The following SLC7A14 variants were observed in gnomAD, a reference collection of about 807,000 sequenced individuals.
SLC7A14 encodes solute carrier family 7 member 14.
SLC7A14 carries 37 observed loss-of-function variants against 60.2 expected under a neutral mutation model. The ratio of observed to expected loss-of-function variants is 0.61; its 90% CI spans 0.47 to 0.81. The LOEUF is 0.81. Ranked by LOEUF, SLC7A14 falls within the 30% of genes least tolerant of loss-of-function variation. The probability of loss-of-function intolerance (pLI) is 0.00; values close to 1 mark genes in which losing one functional copy is unlikely to be tolerated. For synonymous variants in SLC7A14, 399 were observed against 395.8 expected (o/e 1.01, Z -0.10); for missense variants, 886 against 982.7 (o/e 0.90, Z 1.32).
At position 170,526,742 on chromosome 3, in the gene SLC7A14, G is replaced by A. The variant is rs1189772220; in HGVS notation, c.195C>T (p.Ser65=). The change falls in exon 2 of 8, where the codon AGC becomes AGT. Residue 65 remains serine, a synonymous_variant. Transcript: ENST00000231706. ...CCACATACATGCCAGTGCCCACACAGCTGCCAACGCCAAGAGAGATGAGGT... is the reference window on the plus strand; with the variant it reads ...CCACATACATGCCAGTGCCCACACAACTGCCAACGCCAAGAGAGATGAGGT... ...TVDLISLGVG[S]CVGTGMYVVS... 1 of 1,614,138 alleles carries A rather than the reference G, an allele frequency of 6.2e-7. No homozygotes were observed. The highest frequency in any genetic ancestry group is 1.3e-5 in the African/African-American group (1 of 74,946).
rs1186222595 is a variant in SLC7A14, at chr3:170,481,066, C to T, written c.1216G>A (p.Asp406Asn). Residue 406 changes from aspartate to asparagine, a missense_variant, in exon 7 of 8, where the codon GAC (aspartate) becomes AAC (asparagine). Asp to Asn is a conservative substitution (Grantham distance 23). Transcript: ENST00000231706. Reference sequence around the variant, plus strand: ...CCGATAGACATCATCTCTATCAGGTCTCTCAAGCTGACCAACAGTGCGAGG... The same window carrying T: ...CCGATAGACATCATCTCTATCAGGTTTCTCAAGCTGACCAACAGTGCGAGG... ...ALLALLVSLR[D>N]LIEMMSIGTL... is the part of the protein sequence containing the mutation. 3 of 1,614,186 alleles carry T rather than the reference C, an allele frequency of 1.9e-6. No homozygotes were observed. Among genetic ancestry groups the T allele is most frequent in the South Asian group, 1.1e-5 (1 of 91,068 alleles).
rs985774018 is a variant in SLC7A14, at chr3:170,523,857, A to G, written c.304+2776T>C. 9.2e-5 allele frequency among the ~76,000 whole-genome samples: 14 copies of G among 152,218 alleles called. 1 individual carries two copies. Among genetic ancestry groups the G allele is most frequent in the Admixed American group, 7.9e-4 (12 of 15,274 alleles). On this transcript the variant is annotated intron_variant, in intron 2 of 7. Coordinates refer to ENST00000231706, the MANE Select transcript of SLC7A14 (RefSeq NM_020949.3). ...AAGACACTGGAGCAGCACTTCCTTT[A>G]GTTTAGTGACCAACAATCATAAGAG...
intron 2 of SLC7A14, among the ~76,000 whole-genome samples, chr3:170,512,703 G>T (rs1406339470): frequency 2.7e-5 from 3 of 110,182 alleles, no homozygotes; most frequent in Non-Finnish European, 5.0e-5. Context: ...TCGCTCTGTC[G>T]CCCAGGCTGG....
chr3:170,497,921 G>A (rs1350124111), intron 4 of SLC7A14, among the ~76,000 whole-genome samples: 1 of 152,160 alleles, frequency 6.6e-6, no homozygotes, highest in African/African-American at 2.4e-5. Flanking sequence ...GACCACACCA[G>A]GTAAACCTGC....
intron 4 of SLC7A14, chr3:170,496,706 C>A (rs1185877512): frequency 1.1e-6 from 1 of 877,506 alleles, no homozygotes; most frequent in Non-Finnish European, 1.9e-6. Flanking sequence ...GGTCTGAGTT[C>A]CGCCTATGGG....
At position 170,482,218 on chromosome 3, in the gene SLC7A14, T is replaced by C. The variant is rs185351025; in HGVS notation, c.1116-1052A>G. On this transcript the variant is annotated intron_variant, in intron 6 of 7. Transcript: ENST00000231706. ...CCCTCTCCTCCTGGTCCCTTATTTT[T>C]ATGGTTCACACAAGACTGTAAATGT... Among the ~76,000 whole-genome samples the C allele has an allele frequency of 3.4e-3, 521 of 152,354 alleles. 3 individuals carry two copies. Among genetic ancestry groups the C allele is most frequent in the South Asian group, 0.031 (148 of 4,824 alleles).
chr3:170,477,217 C>A (rs189165051), intron 7 of SLC7A14, among the ~76,000 whole-genome samples: 17 of 152,214 alleles, frequency 1.1e-4, no homozygotes, highest in African/African-American at 3.9e-4. Context: ...CTTTGAATAA[C>A]TTCCTGTTGA....
chr3:170,527,051 A>G lies in SLC7A14; in HGVS notation c.-115T>C. 2 of 1,138,004 alleles carry G rather than the reference A, an allele frequency of 1.8e-6. No individual in the cohort carries two copies. Among genetic ancestry groups the G allele is most frequent in the South Asian group, 1.6e-5 (1 of 61,918 alleles). 70.5% of individuals were successfully genotyped at this position (1,138,004 alleles called of 1,614,324 possible). On this transcript the variant is annotated 5_prime_UTR_variant, in exon 2 of 8. Transcript: ENST00000231706. The stretch of plus-strand genomic sequence containing the variant: ...GGGATCTCCCTTTTAGGAAAGGCCC[A>G]GAGGGACCCAGTGCAGCCTTCTCCT...
chr3:170,511,190 G>A (rs934557903), intron 2 of SLC7A14, among the ~76,000 whole-genome samples: 7 of 152,044 alleles, frequency 4.6e-5, no homozygotes, highest in African/African-American at 1.7e-4. Context: ...GATCACTCGG[G>A]AGTTCGAGAC....
At position 170,527,602 on chromosome 3, in the gene SLC7A14, C is replaced by A. The variant is rs369598601; in HGVS notation, c.-152-514G>T. On this transcript the variant is annotated intron_variant, in intron 1 of 7. Coordinates refer to ENST00000231706, the MANE Select transcript of SLC7A14 (RefSeq NM_020949.3). ...TTAACATAAAAATGTAAAATTAGAT[C>A]CATGAGTCTTAAGAGGGGCCATGCC... Among the ~76,000 whole-genome samples, 64 of 152,308 alleles carry A rather than the reference C, an allele frequency of 4.2e-4. 1 individual carries two copies. The East Asian group carries it at 5.4e-3, about 13-fold the overall frequency.
rs1161326736 is a variant in SLC7A14, at chr3:170,535,521, C to T, written c.-152-8433G>A. On this transcript the variant is annotated intron_variant, in intron 1 of 7. Coordinates refer to ENST00000231706, the MANE Select transcript of SLC7A14 (RefSeq NM_020949.3). This position sits in a 1 kb window ranked among gnomAD's most constrained non-coding sequence, Gnocchi z 4.3. ...AGGCACAAGGCAGCTTCAGGGAGTG[C>T]GAGTGTCCTTTGCTTGTCCTTCCAG... Among the ~76,000 whole-genome samples, 1 of 152,250 alleles carries T rather than the reference C, an allele frequency of 6.6e-6. No homozygotes were observed. Among genetic ancestry groups the T allele is most frequent in the Non-Finnish European group, 1.5e-5 (1 of 68,040 alleles).
At position 170,466,675 on chromosome 3, in the gene SLC7A14, C is replaced by T. The variant is rs1739728624; in HGVS notation, c.*380G>A. The T allele has an allele frequency of 5.8e-6, 1 of 173,690 alleles. No homozygotes were observed. The highest frequency in any genetic ancestry group is 5.7e-5 in the Admixed American group (1 of 17,582). The allele number at this position is 173,690 out of a possible 1,614,324, so 10.8% of individuals were successfully genotyped here. On this transcript the variant is annotated 3_prime_UTR_variant, in exon 8 of 8. Transcript: ENST00000231706. ...TCAGCCTGACATGCCAAGAACAGAG[C>T]TTTGTCCCCATGTCTCAGGTGACTG...
chr3:170,556,339 G>A (rs1404533634), intron 1 of SLC7A14, among the ~76,000 whole-genome samples: 1 of 152,184 alleles, frequency 6.6e-6, no homozygotes, highest in Non-Finnish European at 1.5e-5. Context: ...GCTGTCCAGA[G>A]GCAATATGGC....
intron 2 of SLC7A14, among the ~76,000 whole-genome samples, chr3:170,507,108 C>G (rs1333952420): frequency 1.3e-5 from 2 of 152,126 alleles, no homozygotes; most frequent in Non-Finnish European, 2.9e-5. Context: ...ATTACTCTAC[C>G]CAGATAGACA....
Position 170,486,277 on chromosome 3 carries a change from G to T in SLC7A14, c.851C>A (p.Ser284Tyr), listed in dbSNP as rs1182163906. ...TGEEAKNPNTSIPYAITASLV... is the reference protein window; with the variant it reads ...TGEEAKNPNTYIPYAITASLV... ...GGAGGCAGTGATAGCATAAGGGATGGACGTGTTGGGATTCTTGGCTTCCTC... is the reference window on the plus strand; with the variant it reads ...GGAGGCAGTGATAGCATAAGGGATGTACGTGTTGGGATTCTTGGCTTCCTC... The change falls in exon 5 of 8, where the codon TCC becomes TAC. Residue 284 changes from serine (S) to tyrosine (Y), a missense_variant. Coordinates refer to ENST00000231706, the MANE Select transcript of SLC7A14 (RefSeq NM_020949.3). The T allele has an allele frequency of 6.2e-7, 1 of 1,614,226 alleles. No individual in the cohort carries two copies. Among genetic ancestry groups the T allele is most frequent in the South Asian group, 1.1e-5 (1 of 91,080 alleles).
rs1711772377 is a variant in SLC7A14 at position 170,480,467 on chromosome 3, C to G, written c.1815G>C (p.Val605=). 1 of 1,613,970 alleles carries G rather than the reference C, an allele frequency of 6.2e-7. No individual in the cohort carries two copies. The change falls in exon 7 of 8, where the codon GTG becomes GTC. Residue 605 remains valine (V), a synonymous_variant. Transcript: ENST00000231706. ...WWAILLVVLM[V]LLISTLVFVI... ...CAAACACCAGGGTGCTGATCAGCAGCACCATCAGAACAACCAGAAGGATGG... is the reference window on the plus strand; with the variant it reads ...CAAACACCAGGGTGCTGATCAGCAGGACCATCAGAACAACCAGAAGGATGG...
chr3:170,474,618 A>G (rs964861074), intron 7 of SLC7A14, among the ~76,000 whole-genome samples: 1 of 152,106 alleles, frequency 6.6e-6, no homozygotes, highest in Non-Finnish European at 1.5e-5. Context: ...TCAAGAATTT[A>G]GTTATCAGGT....
At chr3:170,542,677 G>T (rs1416357902) in intron 1 of SLC7A14, among the ~76,000 whole-genome samples, 1 of 152,202 alleles carries the variant, frequency 6.6e-6, no homozygotes, top group Non-Finnish European at 1.5e-5. Flanking sequence ...AAAGCCGTGG[G>T]TTGTGTGTGC....
At chr3:170,530,184 T>A (rs1577540328) in intron 1 of SLC7A14, among the ~76,000 whole-genome samples, 1 of 150,920 alleles carries the variant, frequency 6.6e-6, no homozygotes, top group Non-Finnish European at 1.5e-5. Flanking sequence ...AAAATGGGGG[T>A]GATAAAGGGG....
Sources: gnomAD v4.1 joint callset for allele counts (sites outside exome capture counted in the v4.1 genomes callset) on GRCh38, gnomAD v4.1.1 for gene constraint, Gnocchi (gnomAD v3.1) non-coding constraint, MANE v1.5 for transcripts, NCBI Gene and HGNC (gene_info 2026-07-23, HGNC 2026-07-21) for gene names.